Variants in SLC4A10 observed in about 807,000 individuals in gnomAD.
SLC4A10 encodes solute carrier family 4 member 10.
In SLC4A10, 42 loss-of-function variants were observed where a neutral mutation model predicts 137.7. That is an observed-to-expected ratio of 0.30 (90% CI 0.24 to 0.39). SLC4A10 has a LOEUF of 0.39. SLC4A10 is among the 10% of genes least tolerant of loss of function. SLC4A10 has a pLI of 1.00. For synonymous variants in SLC4A10, 474 were observed against 464.1 expected (o/e 1.02, Z -0.27); for missense variants, 925 against 1,355.0 (o/e 0.68, Z 4.98).
rs577750903 is a variant in SLC4A10, at chr2:161,728,440, G to A, written c.49-42533G>A. ...AAAATACAAAAATTAGCTGGGCATGGTGGTGTGCCCCTGTAGTCCCAGCTA... is the reference window on the plus strand; with the variant it reads ...AAAATACAAAAATTAGCTGGGCATGATGGTGTGCCCCTGTAGTCCCAGCTA... On this transcript the variant is annotated intron_variant, in intron 1 of 26. Transcript: ENST00000446997. Among the ~76,000 whole-genome samples, 76 of 151,932 alleles carry A rather than the reference G, an allele frequency of 5.0e-4. 1 individual carries two copies. The highest frequency in any genetic ancestry group is 3.4e-3 in the Middle Eastern group (1 of 292).
intron 1 of SLC4A10, among the ~76,000 whole-genome samples, chr2:161,751,281 T>C (rs910395646): frequency 2.0e-5 from 3 of 151,706 alleles, no homozygotes; most frequent in African/African-American, 4.8e-5. Context: ...GTTGTCCTTT[T>C]GTTATAGGTT....
At chr2:161,818,220 G>T (rs892181704) in intron 3 of SLC4A10, among the ~76,000 whole-genome samples, 5 of 152,032 alleles carry the variant, frequency 3.3e-5, no homozygotes, top group African/African-American at 1.2e-4. Flanking sequence ...GGAGTTCTAG[G>T]TATTTTATTC....
chr2:161,693,668 A>G (rs966793604), intron 1 of SLC4A10, among the ~76,000 whole-genome samples: 14 of 121,144 alleles, frequency 1.2e-4, no homozygotes, highest in Non-Finnish European at 6.8e-5. Context: ...TACAAATTCG[A>G]CTTTTTTTTT....
chr2:161,941,003 C>T (rs1692583971), intron 15 of SLC4A10, among the ~76,000 whole-genome samples: 1 of 144,486 alleles, frequency 6.9e-6, no homozygotes, highest in South Asian at 2.2e-4. Context: ...GGAGCAGACC[C>T]CCAGAGCAAT....
chr2:161,689,869 A>C (rs181340162), intron 1 of SLC4A10, among the ~76,000 whole-genome samples: 1 of 152,228 alleles, frequency 6.6e-6, no homozygotes, highest in East Asian at 1.9e-4. Context: ...GTGCATTTTC[A>C]TTCAGATTTT....
At chr2:161,656,325 A>T (rs777606202) in intron 1 of SLC4A10, among the ~76,000 whole-genome samples, 45 of 152,202 alleles carry the variant, frequency 3.0e-4, no homozygotes, top group Non-Finnish European at 6.2e-4. Context: ...ATTTTGAGAC[A>T]TCTTTCTTAA....
intron 1 of SLC4A10, among the ~76,000 whole-genome samples, chr2:161,693,083 A>G (rs1235015351): frequency 6.6e-6 from 1 of 152,054 alleles, no homozygotes; most frequent in Non-Finnish European, 1.5e-5. Flanking sequence ...TCAGAACTGG[A>G]GAAAAAGGCA....
In SLC4A10 at chr2:161,942,669, A is replaced by C. The variant is rs1190644705; in HGVS notation, c.1998-123A>C. 7 of 717,864 alleles carry C rather than the reference A, an allele frequency of 9.8e-6. No homozygotes were observed. In the East Asian group the frequency reaches 1.9e-4, roughly 20 times the overall value. 44.5% of individuals were successfully genotyped at this position (717,864 alleles called of 1,614,324 possible). A position where few individuals can be genotyped will look rare whatever the true frequency, so the allele number is the denominator to read the frequency against. ...GTTGTGGAGTAGTTTAGGATAACCT[A>C]ACTACTTGTCTGTCAAATAGAGGAA... On this transcript the variant is annotated intron_variant, in intron 15 of 26. Coordinates refer to ENST00000446997, the MANE Select transcript of SLC4A10 (RefSeq NM_001178015.2).
intron 3 of SLC4A10, among the ~76,000 whole-genome samples, chr2:161,817,577 T>A (rs533961641): frequency 8.5e-5 from 13 of 152,308 alleles, no homozygotes; most frequent in East Asian, 3.9e-4. Flanking sequence ...CTGAATGGTA[T>A]TGCCTAGGTT....
At chr2:161,757,866 AT>A (rs1426008144) in intron 1 of SLC4A10, among the ~76,000 whole-genome samples, 1 of 152,258 alleles carries the variant, frequency 6.6e-6, no homozygotes, top group Admixed American at 6.5e-5. Context: ...AATAGAAAAA[AT>A]TCCATCATCT....
At chr2:161,956,888 T>C (rs1038980354) in intron 19 of SLC4A10, 101 bp from the exon 20 acceptor site, 3 of 1,275,272 alleles carry the variant, frequency 2.4e-6, no homozygotes, top group African/African-American at 1.5e-5. Context: ...TATGAAGGGC[T>C]TGTTGAGTAT....
intron 3 of SLC4A10, among the ~76,000 whole-genome samples, chr2:161,829,004 C>T (rs1174884410): frequency 6.6e-6 from 1 of 151,060 alleles, no homozygotes; most frequent in Non-Finnish European, 1.5e-5. Context: ...CTAAACCAAA[C>T]CATTAATTTT....
chr2:161,671,023 A>G (rs13419718), intron 1 of SLC4A10, among the ~76,000 whole-genome samples: 4,967 of 152,238 alleles, frequency 0.033, 272 homozygotes, highest in African/African-American at 0.11. Flanking sequence ...AACAACTACA[A>G]TGATAATAGG....
chr2:161,765,718 C>A (rs1298210113), intron 1 of SLC4A10, among the ~76,000 whole-genome samples: 2 of 151,764 alleles, frequency 1.3e-5, no homozygotes, highest in African/African-American at 4.8e-5. Flanking sequence ...AAAATTTGCT[C>A]CTAAATGAGC....
At chr2:161,747,029 G>C (rs2048459671) in intron 1 of SLC4A10, among the ~76,000 whole-genome samples, 1 of 152,050 alleles carries the variant, frequency 6.6e-6, no homozygotes, top group South Asian at 2.1e-4. Context: ...ATTTGGGGGA[G>C]GAGTGACACA....
intron 15 of SLC4A10, among the ~76,000 whole-genome samples, chr2:161,914,577 A>T (rs941021653): frequency 5.3e-5 from 8 of 152,170 alleles, no homozygotes; most frequent in African/African-American, 1.9e-4. Flanking sequence ...TCTAAAGATG[A>T]TCAATAGGAG....
At chr2:161,676,714 CA>C (rs894215457) in intron 1 of SLC4A10, among the ~76,000 whole-genome samples, 1 of 151,980 alleles carries the variant, frequency 6.6e-6, no homozygotes, top group Admixed American at 6.6e-5. Flanking sequence ...GAATTGATAT[CA>C]AAAATTTACC....
rs959979076 is a variant in SLC4A10, at chr2:161,822,050, A to G, written c.277+17455A>G. The stretch of plus-strand genomic sequence containing the variant: ...TTGAATACCTGACACCCTATCTCAC[A>G]CTTTCAAATACTCCTTATTCATAAC... On this transcript the variant is annotated intron_variant, in intron 3 of 26. Coordinates refer to ENST00000446997, the MANE Select transcript of SLC4A10 (RefSeq NM_001178015.2). Among the ~76,000 whole-genome samples the G allele has an allele frequency of 4.6e-5, 7 of 152,268 alleles. No individual in the cohort carries two copies. The South Asian group carries it at 1.0e-3, about 23-fold the overall frequency.
chr2:161,872,437 T>G, intron 7 of SLC4A10, 53 bp downstream of exon 7: 2 of 1,387,610 alleles, frequency 1.4e-6, no homozygotes, highest in East Asian at 4.6e-5. Flanking sequence ...TACTAGAAAT[T>G]ACTACCCATT....
Sources: gnomAD v4.1 joint callset for allele counts (sites outside exome capture counted in the v4.1 genomes callset) on GRCh38, gnomAD v4.1.1 for gene constraint, MANE v1.5 for transcripts, NCBI Gene and HGNC (gene_info 2026-07-23, HGNC 2026-07-21) for gene names.